AGBL1: variants seen among roughly 807,000 people sequenced by gnomAD.
AGBL1 encodes the protein AGBL carboxypeptidase 1.
AGBL1 carries 130 observed loss-of-function variants against 118.9 expected under a neutral mutation model. That is an observed-to-expected ratio of 1.09 (90% CI 0.95 to 1.26). AGBL1 has a LOEUF of 1.26. Ranked by LOEUF, AGBL1 falls within the 50% of genes most tolerant of loss-of-function variation. The pLI is 0.00. For missense variants in AGBL1, 1,584 were observed against 1,298.1 expected (o/e 1.22, Z -3.38); for synonymous variants, 555 against 478.9 (o/e 1.16, Z -2.08).
chr15:86,882,366 T>C (rs553236127), intron 22 of AGBL1, among the ~76,000 whole-genome samples: 1 of 152,212 alleles, frequency 6.6e-6, no homozygotes, highest in East Asian at 1.9e-4. Context: ...AAAACATCTC[T>C]ATGTACACAT....
intron 15 of AGBL1, among the ~76,000 whole-genome samples, chr15:86,272,806 T>C (rs2141695704): frequency 6.6e-6 from 1 of 152,328 alleles, no homozygotes; most frequent in South Asian, 2.1e-4. Flanking sequence ...AAAGAGGATT[T>C]TTTTATATCC....
In AGBL1 at chr15:86,229,981, G is replaced by A. The variant is rs533101549; in HGVS notation, c.526+5030G>A. Among the ~76,000 whole-genome samples, 9 of 152,332 alleles carry A rather than the reference G, an allele frequency of 5.9e-5. No homozygotes were observed. In the South Asian group the frequency reaches 1.9e-3, roughly 32 times the overall value. ...TAAAGGAGTCTGGAAGTTTGCAGAA[G>A]TTGGGGCATGGGAACAGAAAAGCAA... On this transcript the variant is annotated intron_variant, in intron 6 of 22. Transcript: ENST00000614907.
At chr15:86,922,646 A>C (rs1242466627) in intron 23 of AGBL1, among the ~76,000 whole-genome samples, 1 of 152,260 alleles carries the variant, frequency 6.6e-6, no homozygotes, top group Non-Finnish European at 1.5e-5. Context: ...TCATAATTAT[A>C]GCTATAATTT....
chr15:86,376,629 C>T (rs897479189), intron 17 of AGBL1, among the ~76,000 whole-genome samples: 3 of 152,242 alleles, frequency 2.0e-5, no homozygotes, highest in Non-Finnish European at 4.4e-5. Flanking sequence ...TGATTGCATA[C>T]TGCCTATGTG....
At chr15:86,566,052 G>A (rs950325332) in intron 21 of AGBL1, among the ~76,000 whole-genome samples, 4 of 152,158 alleles carry the variant, frequency 2.6e-5, no homozygotes, top group Non-Finnish European at 4.4e-5. Context: ...CCTAGGAAAG[G>A]AAATTCCCTG....
intron 22 of AGBL1, among the ~76,000 whole-genome samples, chr15:86,821,920 G>A (rs1048653578): frequency 6.6e-6 from 1 of 152,090 alleles, no homozygotes; most frequent in Non-Finnish European, 1.5e-5. Context: ...AATATCGCAT[G>A]GGCACAACCC....
At position 86,155,036 on chromosome 15, in the gene AGBL1, G is replaced by A. The variant is rs183592365; in HGVS notation, c.394+475G>A. Among the ~76,000 whole-genome samples the A allele has an allele frequency of 1.5e-3, 222 of 151,900 alleles. 1 individual carries two copies. The highest frequency in any genetic ancestry group is 2.1e-3 in the Non-Finnish European group (140 of 67,984). ...AAAAACCCATGATCCTTCTCAACAG[G>A]GTCCTCCAGGTAATTATTAGGAACA... On this transcript the variant is annotated intron_variant, in intron 4 of 22. Transcript: ENST00000614907.
At chr15:86,827,426 TATACAC>T (rs2079035885) in intron 22 of AGBL1, among the ~76,000 whole-genome samples, 1 of 9,262 alleles carries the variant, frequency 1.1e-4, no homozygotes, top group Non-Finnish European at 1.6e-4. Flanking sequence ...TATATATATA[TATACAC>T]ATATATATAT....
chr15:86,483,181 G>T (rs1446892281), intron 18 of AGBL1, among the ~76,000 whole-genome samples: 1 of 152,040 alleles, frequency 6.6e-6, no homozygotes, highest in Admixed American at 6.6e-5. Context: ...TGATCTGAGG[G>T]TGCAGTTTTC....
At chr15:86,906,443 A>C (rs1237357062) in intron 22 of AGBL1, among the ~76,000 whole-genome samples, 1 of 152,242 alleles carries the variant, frequency 6.6e-6, no homozygotes, top group Non-Finnish European at 1.5e-5. Flanking sequence ...GTAGAAGCAG[A>C]ATGCTGTTTG....
chr15:86,551,691 A>T (rs1203601355), intron 20 of AGBL1, among the ~76,000 whole-genome samples: 1 of 152,156 alleles, frequency 6.6e-6, no homozygotes, highest in Non-Finnish European at 1.5e-5. Flanking sequence ...ACACTTGCCA[A>T]CTCATTTTAT....
chr15:86,522,121 C>T (rs1409230468), intron 18 of AGBL1, among the ~76,000 whole-genome samples: 1 of 152,098 alleles, frequency 6.6e-6, no homozygotes, highest in Non-Finnish European at 1.5e-5. Flanking sequence ...TAACTTGGTA[C>T]TTTTGAATAC....
At chr15:86,785,239 GA>G (rs943168416) in intron 22 of AGBL1, among the ~76,000 whole-genome samples, 1 of 152,036 alleles carries the variant, frequency 6.6e-6, no homozygotes, top group Non-Finnish European at 1.5e-5. Context: ...GAGGTGCAGG[GA>G]GAGAATCAAG....
At chr15:86,506,677 G>T (rs185840141) in intron 18 of AGBL1, among the ~76,000 whole-genome samples, 59 of 152,142 alleles carry the variant, frequency 3.9e-4, no homozygotes, top group Non-Finnish European at 7.6e-4. Context: ...ATTCAGAACC[G>T]ATGACAGAGT....
chr15:87,001,232 C>A (rs957497982), intron 24 of AGBL1, among the ~76,000 whole-genome samples: 1 of 151,004 alleles, frequency 6.6e-6, no homozygotes, highest in Non-Finnish European at 1.5e-5. Flanking sequence ...CCTTCTCCTG[C>A]CTCATTGCCC....
At chr15:86,153,885 A>C (rs1475415054) in intron 3 of AGBL1, among the ~76,000 whole-genome samples, 1 of 152,164 alleles carries the variant, frequency 6.6e-6, no homozygotes, top group Admixed American at 6.5e-5. Flanking sequence ...AATCCTTTCA[A>C]GTGCATTTCT....
intron 22 of AGBL1, among the ~76,000 whole-genome samples, chr15:86,811,177 A>G (rs2078782955): frequency 6.6e-6 from 1 of 152,186 alleles, no homozygotes; most frequent in Non-Finnish European, 1.5e-5. Context: ...AAGACCAGCT[A>G]AATAAAGAAA....
chr15:86,807,843 T>TA (rs2078739521), intron 22 of AGBL1, among the ~76,000 whole-genome samples: 1 of 152,076 alleles, frequency 6.6e-6, no homozygotes, highest in Non-Finnish European at 1.5e-5. Context: ...GTACCTACAG[T>TA]ATGTGAGAGA....
chr15:86,982,090 A>G (rs2141723083), intron 23 of AGBL1, among the ~76,000 whole-genome samples: 1 of 152,278 alleles, frequency 6.6e-6, no homozygotes, highest in East Asian at 1.9e-4. Flanking sequence ...GGCCCCAGGT[A>G]CCTCATGCTG....
Sources: gnomAD v4.1 joint callset for allele counts (sites outside exome capture counted in the v4.1 genomes callset) on GRCh38, gnomAD v4.1.1 for gene constraint, MANE v1.5 for transcripts, NCBI Gene and HGNC (gene_info 2026-07-23, HGNC 2026-07-21) for gene names.